Variants in MAPKAPK3 observed in about 807,000 individuals in gnomAD.
The protein encoded by MAPKAPK3 is MAP kinase-activated protein kinase 3.
MAPKAPK3 carries 35 observed loss-of-function variants against 49.2 expected under a neutral mutation model. That is an observed-to-expected ratio of 0.71 (90% CI 0.54 to 0.94). The LOEUF (loss-of-function observed/expected upper bound fraction) is 0.94, where lower values mean the gene tolerates loss of function less well. MAPKAPK3 is among the 40% of genes least tolerant of loss of function. The pLI is 0.00. For missense variants in MAPKAPK3, 398 were observed against 493.1 expected (o/e 0.81, Z 1.83); for synonymous variants, 178 against 188.7 (o/e 0.94, Z 0.46).
intron 2 of MAPKAPK3, among the ~76,000 whole-genome samples, chr3:50,624,293 G>GTGTGTA (rs1305452021): frequency 6.6e-6 from 1 of 150,494 alleles, no homozygotes; most frequent in Non-Finnish European, 1.5e-5. Flanking sequence ...GTGTGTGTGT[G>GTGTGTA]TGTGTATGTG....
chr3:50,621,909 T>C (rs937574220), intron 2 of MAPKAPK3, among the ~76,000 whole-genome samples: 4 of 152,244 alleles, frequency 2.6e-5, no homozygotes, highest in African/African-American at 9.6e-5. Flanking sequence ...GAGGCTCTTC[T>C]AGGCTCCCAG....
intron 2 of MAPKAPK3, among the ~76,000 whole-genome samples, chr3:50,633,919 T>C (rs1441582643): frequency 6.6e-6 from 1 of 152,220 alleles, no homozygotes; most frequent in Non-Finnish European, 1.5e-5. Flanking sequence ...TGGAAAGGGA[T>C]ATAGTGGTGA....
At chr3:50,626,617 G>A (rs957469479) in intron 2 of MAPKAPK3, among the ~76,000 whole-genome samples, 9 of 152,208 alleles carry the variant, frequency 5.9e-5, no homozygotes, top group Admixed American at 2.6e-4. Flanking sequence ...GGTGTTCTCC[G>A]TGCTTTCTGG....
At chr3:50,618,775 C>T (rs1396866355) in intron 2 of MAPKAPK3, among the ~76,000 whole-genome samples, 1 of 152,152 alleles carries the variant, frequency 6.6e-6, no homozygotes, top group Non-Finnish European at 1.5e-5. Context: ...CTGCAACCTC[C>T]ACCTCCCAGG....
chr3:50,646,640 C>T (rs1459974758), intron 8 of MAPKAPK3, 100 bp from the exon 9 acceptor site: 1 of 1,042,908 alleles, frequency 9.6e-7, no homozygotes, highest in Non-Finnish European at 1.5e-6. Context: ...TTTGGGAGCA[C>T]ATGCAGCCCC....
At chr3:50,615,299 C>G (rs2032434156), upstream of MAPKAPK3, among the ~76,000 whole-genome samples, 1 of 126,208 alleles carries the variant, frequency 7.9e-6, no homozygotes, top group East Asian at 2.1e-4. Flanking sequence ...CTGGGTCCAG[C>G]TGGGCATAAA....
intron 5 of MAPKAPK3, among the ~76,000 whole-genome samples, chr3:50,642,616 C>A (rs1412178182): frequency 1.3e-5 from 2 of 152,274 alleles, no homozygotes; most frequent in Non-Finnish European, 2.9e-5. Context: ...CCCTGACAAG[C>A]AATCTCATTT....
chr3:50,612,123 G>A (rs961479287), exon 1 of MAPKAPK3: 8 of 162,840 alleles, frequency 4.9e-5, no homozygotes, highest in Non-Finnish European at 8.0e-5. Context: ...GCTACCCAGA[G>A]GGGCAGGTCG....
chr3:50,613,589 G>T (rs1344591946), upstream of MAPKAPK3, among the ~76,000 whole-genome samples: 1 of 152,166 alleles, frequency 6.6e-6, no homozygotes, highest in Non-Finnish European at 1.5e-5. Flanking sequence ...AAGACAAAAG[G>T]ACTTTGCCGC....
intron 2 of MAPKAPK3, among the ~76,000 whole-genome samples, chr3:50,628,952 C>T (rs2032834129): frequency 6.6e-6 from 1 of 152,146 alleles, no homozygotes; most frequent in African/African-American, 2.4e-5. Context: ...GTGTCTGCCA[C>T]CTGGGAGAGT....
At chr3:50,640,703 G>A (rs1053847121) in intron 3 of MAPKAPK3, among the ~76,000 whole-genome samples, 198 bp downstream of exon 3, 8 of 152,214 alleles carry the variant, frequency 5.3e-5, no homozygotes, top group Non-Finnish European at 1.5e-5. Flanking sequence ...ATTCCCTCAA[G>A]GGTGGGCAAG....
intron 2 of MAPKAPK3, among the ~76,000 whole-genome samples, chr3:50,636,184 AG>A (rs1189507955): frequency 1.3e-5 from 2 of 152,046 alleles, no homozygotes; most frequent in South Asian, 2.1e-4. Flanking sequence ...TGGGACCTAG[AG>A]GTGGCCAGGC....
At chr3:50,619,689 G>A (rs536662761) in intron 2 of MAPKAPK3, among the ~76,000 whole-genome samples, 8 of 152,262 alleles carry the variant, frequency 5.3e-5, no homozygotes, top group African/African-American at 1.9e-4. Flanking sequence ...AGCCCCTGTG[G>A]TGTCCAGATG....
chr3:50,613,457 G>T (rs1031522090), upstream of MAPKAPK3, among the ~76,000 whole-genome samples: 1 of 152,210 alleles, frequency 6.6e-6, no homozygotes, highest in African/African-American at 2.4e-5. Flanking sequence ...TGGAATGGGG[G>T]TAGGGGGGAT....
exon 1 of MAPKAPK3, chr3:50,611,936 G>A (rs1253141417): frequency 6.9e-6 from 3 of 436,438 alleles, no homozygotes; most frequent in Non-Finnish European, 1.2e-5. Context: ...CGGGCGGGGT[G>A]CGCGGGCCCC....
chr3:50,636,468 T>C (rs2033043422), intron 2 of MAPKAPK3, among the ~76,000 whole-genome samples: 1 of 152,218 alleles, frequency 6.6e-6, no homozygotes, highest in South Asian at 2.1e-4. Context: ...TGTGAGCAAG[T>C]GCTGCACAGG....
intron 2 of MAPKAPK3, among the ~76,000 whole-genome samples, chr3:50,636,110 C>G (rs1002090136): frequency 1.3e-5 from 2 of 149,230 alleles, no homozygotes; most frequent in African/African-American, 4.9e-5. Context: ...GATTCTGTCT[C>G]AAAAAAAAAA....
intron 2 of MAPKAPK3, among the ~76,000 whole-genome samples, chr3:50,628,123 T>A (rs1471976877): frequency 6.6e-6 from 1 of 152,154 alleles, no homozygotes. Flanking sequence ...TGACATCTCC[T>A]CCAGGCGAGA....
In MAPKAPK3 at chr3:50,640,471, C is replaced by T. The variant is rs773395153; in HGVS notation, c.325C>T (p.His109Tyr). The change falls in exon 3 of 11, where the codon CAT (histidine) becomes TAT (tyrosine). Residue 109 changes from histidine to tyrosine, a missense_variant. By Grantham distance (83) the His-to-Tyr change is moderately conservative. This residue lies in a region of MAPKAPK3 where 52 missense variants were observed against 91.9 expected (regional missense o/e 0.57). Transcript: ENST00000621469. ...CCTGGATGTGTATGAGAACATGCAC[C>T]ATGGCAAGCGCTGTCTCCTCATCAT... ...CILDVYENMH[H>Y]GKRCLLIIME... The T allele has an allele frequency of 5.0e-6, 8 of 1,613,724 alleles. No homozygotes were observed. The South Asian group carries it at 7.7e-5, about 16-fold the overall frequency.
Sources: allele counts gnomAD v4.1 joint callset (sites outside exome capture counted in the v4.1 genomes callset), GRCh38; gene constraint gnomAD v4.1.1; regional missense constraint gnomAD v4.1.1; transcripts MANE v1.5; gene names NCBI Gene and HGNC (gene_info 2026-07-23, HGNC 2026-07-21).